ZNF236: variants seen among roughly 807,000 people sequenced by gnomAD.
ZNF236 encodes zinc finger protein 236, also known as regulated by glucose.
In ZNF236, 50 loss-of-function variants were observed where a neutral mutation model predicts 191.2. That is an observed-to-expected ratio of 0.26 (90% confidence interval 0.21 to 0.33). The LOEUF (loss-of-function observed/expected upper bound fraction) is 0.33, where lower values mean the gene tolerates loss of function less well. Among genes scored for constraint, ZNF236 ranks in the 10% least tolerant of loss-of-function variants. The pLI is 1.00. For synonymous variants in ZNF236, 907 were observed against 928.8 expected, an observed-to-expected ratio of 0.98 and a Z score of 0.43; for missense variants, 1,754 against 2,374.5, an observed-to-expected ratio of 0.74 and a Z score of 5.43.
intron 1 of ZNF236, chr18:76,824,301 G>A (rs374646199): frequency 2.6e-6 from 2 of 780,874 alleles, no homozygotes; most frequent in African/African-American, 3.4e-5. Context: ...TAACACACGT[G>A]CACATTACGG....
chr18:76,867,534 GA>G (rs1393945426), intron 3 of ZNF236, among the ~76,000 whole-genome samples: 10 of 152,072 alleles, frequency 6.6e-5, no homozygotes. Context: ...AGTCTGATAG[GA>G]AAAAATCAAT....
intron 1 of ZNF236, among the ~76,000 whole-genome samples, chr18:76,845,677 T>A (rs528610237): frequency 6.6e-6 from 1 of 152,002 alleles, no homozygotes; most frequent in African/African-American, 2.4e-5. Flanking sequence ...GGTGAAACCC[T>A]GTCTCTACTA....
intron 12 of ZNF236, 72 bp downstream of exon 12, chr18:76,904,593 G>C: frequency 7.1e-7 from 1 of 1,407,312 alleles, no homozygotes; most frequent in Non-Finnish European, 9.5e-7. Flanking sequence ...ACGTCTAGAA[G>C]TATTTAGGAT....
chr18:76,913,928 G>A, intron 18 of ZNF236, 30 bp downstream of exon 18: 1 of 1,609,836 alleles, frequency 6.2e-7, no homozygotes, highest in South Asian at 1.1e-5. Context: ...TTGGAGATTA[G>A]TCCTTTAAAG....
At chr18:76,873,776 G>T (rs527346139) in intron 5 of ZNF236, among the ~76,000 whole-genome samples, 17 of 144,794 alleles carry the variant, frequency 1.2e-4, no homozygotes, top group Admixed American at 9.6e-4. Flanking sequence ...CCACACTCTC[G>T]CCGTGCCTCC....
intron 1 of ZNF236, among the ~76,000 whole-genome samples, chr18:76,848,286 C>G (rs548385188): frequency 6.6e-5 from 10 of 152,274 alleles, no homozygotes; most frequent in African/African-American, 2.2e-4. Context: ...TTCAGCTTAC[C>G]CTGTACTCTA....
chr18:76,967,469 T>G (rs1968805893), intron 30 of ZNF236, among the ~76,000 whole-genome samples: 2 of 151,174 alleles, frequency 1.3e-5, no homozygotes, highest in East Asian at 3.9e-4. Context: ...AGATTTGTGA[T>G]TTGGTGTTAG....
At chr18:76,955,753 A>G (rs1322555449) in intron 27 of ZNF236, among the ~76,000 whole-genome samples, 2 of 152,210 alleles carry the variant, frequency 1.3e-5, no homozygotes. Context: ...GCCAGAGCTC[A>G]TTCCTTAGCT....
At position 76,960,984 on chromosome 18, in the gene ZNF236, G is replaced by A; in HGVS notation, c.5419+129G>A. 6.8e-6 allele frequency: 7 copies of A among 1,025,524 alleles called. No homozygotes were observed. Among genetic ancestry groups the A allele is most frequent in the Non-Finnish European group, 9.6e-6 (7 of 725,400 alleles). The allele number at this position is 1,025,524 out of a possible 1,614,324, so 63.5% of individuals were successfully genotyped here. A position where few individuals can be genotyped will look rare whatever the true frequency, so the allele number is the denominator to read the frequency against. On this transcript the variant is annotated intron_variant, in intron 30 of 30. Coordinates refer to ENST00000320610, the MANE Select transcript of ZNF236 (RefSeq NM_001306089.2). The surrounding 1 kb of genome is among the most constrained non-coding windows in gnomAD (Gnocchi z 4.4). ...CACGTGGTACAGCCTCAGTTGTGTGGACTGGAAGCTTGTGCTTTATTTTAT... is the reference window on the plus strand; with the variant it reads ...CACGTGGTACAGCCTCAGTTGTGTGAACTGGAAGCTTGTGCTTTATTTTAT...
chr18:76,926,790 A>AGACAGTGTGT (rs1967702573), intron 22 of ZNF236, among the ~76,000 whole-genome samples: 1 of 151,854 alleles, frequency 6.6e-6, no homozygotes, highest in African/African-American at 2.4e-5. Flanking sequence ...AAGGGTGATT[A>AGACAGTGTGT]GACAGTGTGT....
intron 3 of ZNF236, among the ~76,000 whole-genome samples, chr18:76,853,047 T>G (rs1278070755): frequency 6.6e-6 from 1 of 152,132 alleles, no homozygotes; most frequent in African/African-American, 2.4e-5. Flanking sequence ...TTATAAAATT[T>G]ACATTGTGAA....
At chr18:76,939,851 C>G (rs952905457) in intron 26 of ZNF236, among the ~76,000 whole-genome samples, 2 of 148,440 alleles carry the variant, frequency 1.3e-5, no homozygotes, top group African/African-American at 5.0e-5. Context: ...CATTTGGGAA[C>G]ACAGTGGGCT....
intron 14 of ZNF236, among the ~76,000 whole-genome samples, chr18:76,909,343 A>G (rs1967153982): frequency 6.8e-6 from 1 of 147,932 alleles, no homozygotes; most frequent in South Asian, 2.1e-4. Context: ...AAAAAATTAT[A>G]CAAATAGGAC....
At chr18:76,922,220 G>T (rs1599396689) in intron 20 of ZNF236, among the ~76,000 whole-genome samples, 1 of 152,316 alleles carries the variant, frequency 6.6e-6, no homozygotes, top group South Asian at 2.1e-4. Context: ...TGACTGGCAG[G>T]GCGCTGTGGT....
intron 25 of ZNF236, chr18:76,936,385 C>T (rs1394529305): frequency 2.2e-6 from 1 of 456,672 alleles, no homozygotes; most frequent in Non-Finnish European, 4.4e-6. Context: ...CTTTGATAAT[C>T]CCATGCTGAA....
intron 30 of ZNF236, among the ~76,000 whole-genome samples, chr18:76,961,810 G>A (rs960793987): frequency 4.6e-5 from 7 of 152,038 alleles, no homozygotes; most frequent in Non-Finnish European, 4.4e-5. Context: ...GCATTTTCCT[G>A]ATCATTAGTG....
At chr18:76,874,556 T>C (rs2122619316) in intron 5 of ZNF236, among the ~76,000 whole-genome samples, 1 of 151,694 alleles carries the variant, frequency 6.6e-6, no homozygotes, top group African/African-American at 2.4e-5. Context: ...TTAAGTAAAA[T>C]GTAAAAGGTC....
intron 9 of ZNF236, chr18:76,888,588 AC>A (rs1977130957): frequency 1.3e-5 from 2 of 152,424 alleles, no homozygotes; most frequent in Admixed American, 6.5e-5. Flanking sequence ...ACTTTGTGTC[AC>A]CCTGACTGTC....
chr18:76,826,063 C>T (rs1333416978), intron 1 of ZNF236, among the ~76,000 whole-genome samples: 3 of 152,098 alleles, frequency 2.0e-5, no homozygotes, highest in Non-Finnish European at 4.4e-5. Context: ...GAAAACTCTG[C>T]AAGGGATGTA....
Sources: gnomAD v4.1 joint callset for allele counts (sites outside exome capture counted in the v4.1 genomes callset) on GRCh38, gnomAD v4.1.1 for gene constraint, Gnocchi (gnomAD v3.1) non-coding constraint, MANE v1.5 for transcripts, NCBI Gene and HGNC (gene_info 2026-07-23, HGNC 2026-07-21) for gene names.